Variants in TSC2 observed in about 807,000 individuals in gnomAD.
TSC2 encodes the protein tuberin.
TSC2 carries 29 observed loss-of-function variants against 202.2 expected under a neutral mutation model. The observed-to-expected ratio is 0.14, with a 90% CI of 0.11 to 0.20. TSC2 has a LOEUF of 0.20. Among genes scored for constraint, TSC2 ranks in the 10% least tolerant of loss-of-function variants. The probability of loss-of-function intolerance (pLI) is 1.00; values close to 1 mark genes in which losing one functional copy is unlikely to be tolerated. For missense variants in TSC2, 2,429 were observed against 2,420.0 expected, an observed-to-expected ratio of 1.00 and a Z score of -0.08; for synonymous variants, 1,349 against 1,044.0, an observed-to-expected ratio of 1.29 and a Z score of -5.63.
In TSC2 at chr16:2,077,737, T is replaced by C. The variant is rs980464907; in HGVS notation, c.2966+11T>C. On this transcript the variant is annotated intron_variant, in intron 26 of 41. Transcript: ENST00000219476. ...ACATGTGGTCCGCAGGTAGCGGGACTGTCGGGTGGGGGGCACGGACCCTGG... is the reference window on the plus strand; with the variant it reads ...ACATGTGGTCCGCAGGTAGCGGGACCGTCGGGTGGGGGGCACGGACCCTGG... 2 of 1,611,716 alleles carry C rather than the reference T, an allele frequency of 1.2e-6. No individual in the cohort carries two copies. Among genetic ancestry groups the C allele is most frequent in the Non-Finnish European group, 1.7e-6 (2 of 1,179,988 alleles).
intron 31 of TSC2, chr16:2,082,037 G>T: frequency 3.1e-6 from 2 of 642,462 alleles, no homozygotes; most frequent in Non-Finnish European, 5.5e-6. Flanking sequence ...TGGAGCCTCT[G>T]CCCAGCATCC....
At chr16:2,065,676 T>C in intron 16 of TSC2, 41 bp downstream of exon 16, 1 of 1,528,942 alleles carries the variant, frequency 6.5e-7, no homozygotes, top group Admixed American at 1.7e-5. Flanking sequence ...GGGGCGCGCA[T>C]GGCTAGCGTC....
At chr16:2,083,546 C>A in intron 32 of TSC2, 149 bp from the exon 33 acceptor site, 1 of 1,386,716 alleles carries the variant, frequency 7.2e-7, no homozygotes, top group Non-Finnish European at 9.9e-7. Context: ...TCCCTGCCCG[C>A]TCGGTGGATG....
chr16:2,071,657 T>C (rs771296813), intron 18 of TSC2, 41 bp downstream of exon 18: 1 of 1,610,870 alleles, frequency 6.2e-7, no homozygotes, highest in Non-Finnish European at 8.5e-7. Context: ...GCTCAGGGCG[T>C]CAGAGGCGCT....
At position 2,071,501 on chromosome 16, in the gene TSC2, T is replaced by G; in HGVS notation, c.1840-9T>G. The G allele has an allele frequency of 6.2e-7, 1 of 1,613,540 alleles. No homozygotes were observed. The highest frequency in any genetic ancestry group is 8.5e-7 in the Non-Finnish European group (1 of 1,179,994). The stretch of plus-strand genomic sequence containing the variant: ...TTGGCTCTGGCTTTCACCATCCTCT[T>G]CCTGACAGGCCTTTGACTTCCTGTT... On this transcript the variant is annotated splice_polypyrimidine_tract_variant and intron_variant, in intron 17 of 41. Transcript: ENST00000219476.
chr16:2,078,030 C>T (rs1005815138), intron 26 of TSC2, among the ~76,000 whole-genome samples: 1 of 152,228 alleles, frequency 6.6e-6, no homozygotes, highest in Non-Finnish European at 1.5e-5. Context: ...GGGGAGACAC[C>T]ACTCCTGGTT....
chr16:2,082,175 T>C, intron 31 of TSC2: 1 of 598,822 alleles, frequency 1.7e-6, no homozygotes. Flanking sequence ...GGCACCGTGC[T>C]TCTCGCCAGG....
Position 2,084,605 on chromosome 16 carries a change from C to T in TSC2, c.4383C>T (p.Tyr1461=), listed in dbSNP as rs397514977. ...RSPSGLRPRG[Y]TISDSAPSRR... ...CCAGTGGCCTCCGGCCCCGAGGTTA[C>T]ACCATCTCCGACTCGGCCCCATCAC... is the stretch of plus-strand genomic sequence containing the variant. The change falls in exon 34 of 42, where the codon TAC becomes TAT. Residue 1461 remains tyrosine, a synonymous_variant. Coordinates refer to ENST00000219476, the MANE Select transcript of TSC2 (RefSeq NM_000548.5). 8 of 1,603,168 alleles carry T rather than the reference C, an allele frequency of 5.0e-6. No homozygotes were observed. The highest frequency in any genetic ancestry group is 1.3e-5 in the African/African-American group (1 of 74,928).
chr16:2,069,282 A>G (rs184621670), intron 16 of TSC2, among the ~76,000 whole-genome samples: 65 of 152,212 alleles, frequency 4.3e-4, no homozygotes, highest in Non-Finnish European at 6.6e-4. Flanking sequence ...CTTTTATGTC[A>G]TAATATTTTG....
intron 15 of TSC2, 23 bp from the exon 16 acceptor site, chr16:2,065,496 A>G (rs1481872036): frequency 5.0e-6 from 8 of 1,598,888 alleles, no homozygotes; most frequent in Non-Finnish European, 3.4e-6. Context: ...GCCTGTGTGT[A>G]AGTCCTGGCC....
intron 38 of TSC2, among the ~76,000 whole-genome samples, chr16:2,087,531 C>T (rs1244215438): frequency 2.0e-5 from 3 of 150,924 alleles, no homozygotes; most frequent in East Asian, 1.9e-4. Flanking sequence ...GTGGTGGTGC[C>T]GAGATGGGGT....
intron 22 of TSC2, among the ~76,000 whole-genome samples, chr16:2,075,519 T>TC (rs1484468016): frequency 5.3e-5 from 5 of 94,548 alleles, no homozygotes; most frequent in East Asian, 3.2e-4. Flanking sequence ...AGAGCCAGAC[T>TC]CATCTCAAAA....
chr16:2,081,552 G>C, intron 30 of TSC2, 43 bp from the exon 31 acceptor site: 1 of 1,611,948 alleles, frequency 6.2e-7, no homozygotes. Flanking sequence ...GATGGGTAAG[G>C]GGAGGTACTG....
chr16:2,077,107 C>T (rs534337491), intron 25 of TSC2, among the ~76,000 whole-genome samples: 1 of 152,376 alleles, frequency 6.6e-6, no homozygotes, highest in East Asian at 1.9e-4. Context: ...AAGCTGTTGT[C>T]TCCAGCCCCT....
chr16:2,078,861 A>G (rs991739761), intron 26 of TSC2, 171 bp from the exon 27 acceptor site: 15 of 796,210 alleles, frequency 1.9e-5, no homozygotes, highest in Admixed American at 8.2e-5. Context: ...CTCTGGGACA[A>G]TGTGGTCCAC....
At position 2,077,529 on chromosome 16, in the gene TSC2, A is replaced by C; in HGVS notation, c.2838-69A>C. The C allele has an allele frequency of 2.5e-6, 4 of 1,607,524 alleles. No homozygotes were observed. The South Asian group carries it at 4.4e-5, about 18-fold the overall frequency. On this transcript the variant is annotated intron_variant, in intron 25 of 41. Coordinates refer to ENST00000219476, the MANE Select transcript of TSC2 (RefSeq NM_000548.5). ...TGGGACCTTTCCTCCTCACCCCTCC[A>C]CTGGCTTGTTCTCCCCTTCCCGGGA...
chr16:2,086,618 CGTG>C (rs1272753845), intron 37 of TSC2, 111 bp from the exon 38 acceptor site: 1 of 1,517,990 alleles, frequency 6.6e-7, no homozygotes, highest in Non-Finnish European at 8.9e-7. Flanking sequence ...CACCAGAGGA[CGTG>C]GTCCCCGCAG....
chr16:2,059,509 GTTTTT>G (rs34881847), intron 10 of TSC2, among the ~76,000 whole-genome samples: 7 of 63,544 alleles, frequency 1.1e-4, no homozygotes, highest in African/African-American at 3.8e-4. Flanking sequence ...CTGGCTAATG[GTTTTT>G]TTTTTTTTTT....
At chr16:2,084,183 AG>A in intron 33 of TSC2, 44 bp from the exon 34 acceptor site, 1 of 1,550,882 alleles carries the variant, frequency 6.4e-7, no homozygotes, top group East Asian at 2.4e-5. Flanking sequence ...GGTGGGCTCG[AG>A]GGTGCCTGCT....
Sources: gnomAD v4.1 joint callset for allele counts (sites outside exome capture counted in the v4.1 genomes callset) on GRCh38, gnomAD v4.1.1 for gene constraint, MANE v1.5 for transcripts, NCBI Gene and HGNC (gene_info 2026-07-23, HGNC 2026-07-21) for gene names.